Variants in MLLT3 observed in about 807,000 individuals in gnomAD.
The protein encoded by MLLT3 is MLLT3 super elongation complex subunit, also known as protein AF-9.
A neutral mutation model predicts 53.2 loss-of-function variants in MLLT3; 4 were observed. The observed-to-expected ratio is 0.08, with a 90% CI of 0.04 to 0.17. The LOEUF is 0.17. Ranked by LOEUF, MLLT3 falls within the 10% of genes least tolerant of loss-of-function variation. The probability of loss-of-function intolerance (pLI) is 1.00; values close to 1 mark genes in which losing one functional copy is unlikely to be tolerated. For synonymous variants in MLLT3, 283 were observed against 230.6 expected (o/e 1.23, Z -2.06); for missense variants, 569 against 684.0 (o/e 0.83, Z 1.87).
intron 2 of MLLT3, among the ~76,000 whole-genome samples, chr9:20,611,360 T>C (rs973341614): frequency 1.9e-4 from 29 of 152,124 alleles, no homozygotes; most frequent in Non-Finnish European, 1.5e-5. Context: ...AAGCCACTGC[T>C]ATTATTATTA....
chr9:20,521,077 CTTT>C lies in MLLT3; in HGVS notation c.194-64294_194-64292del, dbSNP rs11410290. Among the ~76,000 whole-genome samples the C allele has an allele frequency of 1.7e-4, 26 of 148,628 alleles. No individual in the cohort carries two copies. In the East Asian group the frequency reaches 4.9e-3, roughly 28 times the overall value. On this transcript the variant is annotated intron_variant, in intron 2 of 10. Transcript: ENST00000380338. The stretch of plus-strand genomic sequence containing the variant: ...GCTGTAAACTTTTTTTTTGTTCTTT[CTTT>C]TTTTTTTAAAGGAGAGAGTCTTGCT...
intron 5 of MLLT3, among the ~76,000 whole-genome samples, chr9:20,387,899 G>A (rs917912441): frequency 3.3e-5 from 5 of 152,124 alleles, no homozygotes; most frequent in East Asian, 1.9e-4. Context: ...TTAAATATCT[G>A]GAAGTTCCAG....
intron 4 of MLLT3, chr9:20,418,504 C>T (rs1822931422): frequency 6.6e-6 from 1 of 152,234 alleles, no homozygotes; most frequent in Non-Finnish European, 1.5e-5. Context: ...AACTAGTTAG[C>T]TCTGGGGGCA....
At chr9:20,443,994 G>A (rs1563967777) in intron 4 of MLLT3, among the ~76,000 whole-genome samples, 2 of 152,190 alleles carry the variant, frequency 1.3e-5, no homozygotes, top group Admixed American at 6.5e-5. Context: ...AAACAAGTTA[G>A]TAGAATAATA....
chr9:20,499,051 G>C (rs1262479402), intron 2 of MLLT3, among the ~76,000 whole-genome samples: 2 of 152,118 alleles, frequency 1.3e-5, no homozygotes, highest in Non-Finnish European at 2.9e-5. Context: ...GACTCTCCTA[G>C]CTTCTGGAGG....
At chr9:20,360,242 C>A (rs997009364) in intron 8 of MLLT3, among the ~76,000 whole-genome samples, 1 of 152,218 alleles carries the variant, frequency 6.6e-6, no homozygotes, top group African/African-American at 2.4e-5. Context: ...GGGCTGTGCA[C>A]TGCCTTTTGC....
chr9:20,383,259 C>T (rs553065648), intron 5 of MLLT3, among the ~76,000 whole-genome samples: 18 of 151,800 alleles, frequency 1.2e-4, no homozygotes, highest in South Asian at 8.3e-4. Flanking sequence ...ATGGGGGGTA[C>T]GTTATTTTAA....
chr9:20,484,162 G>A lies in MLLT3; in HGVS notation c.194-27376C>T, dbSNP rs1824745159. On this transcript the variant is annotated intron_variant, in intron 2 of 10. Coordinates refer to ENST00000380338, the MANE Select transcript of MLLT3 (RefSeq NM_004529.4). ...ACATGAACATATAATAAGAGATTTG[G>A]CTAAAGATAATGTGCACACAGAGGC... Among the ~76,000 whole-genome samples, 3 of 152,076 alleles carry A rather than the reference G, an allele frequency of 2.0e-5. No individual in the cohort carries two copies. The South Asian group carries it at 6.2e-4, about 32-fold the overall frequency.
rs1822844530 is a variant in MLLT3, at chr9:20,415,364, TATA to T, written c.421-942_421-940del. The stretch of plus-strand genomic sequence containing the variant: ...TAAATATGATCAATTTTTCCACTCA[TATA>T]AACATATCAGAATATATAACCTATA... On this transcript the variant is annotated intron_variant, in intron 4 of 10. Transcript: ENST00000380338. 14 of 586,400 alleles carry T rather than the reference TATA, an allele frequency of 2.4e-5. No homozygotes were observed. In the South Asian group the frequency reaches 9.8e-4, roughly 41 times the overall value. 36.3% of individuals were successfully genotyped at this position (586,400 alleles called of 1,614,324 possible).
chr9:20,535,235 G>A (rs1012368406), intron 2 of MLLT3, among the ~76,000 whole-genome samples: 4 of 152,192 alleles, frequency 2.6e-5, no homozygotes, highest in Non-Finnish European at 5.9e-5. Context: ...GATCTTGGTT[G>A]TGCACTCCTT....
At chr9:20,415,504 C>T (rs1822848791) in intron 4 of MLLT3, 2 of 850,790 alleles carry the variant, frequency 2.4e-6, no homozygotes, top group East Asian at 1.2e-4. Context: ...ATGCAAAAAT[C>T]CACATCAATA....
chr9:20,501,851 C>T (rs1372584273), intron 2 of MLLT3, among the ~76,000 whole-genome samples: 2 of 148,936 alleles, frequency 1.3e-5, no homozygotes, highest in Non-Finnish European at 3.0e-5. Flanking sequence ...GAAGCCAAAG[C>T]AGGCAGATCA....
chr9:20,344,197 T>G lies in MLLT3; in HGVS notation c.*2246A>C, dbSNP rs1390600881. On this transcript the variant is annotated 3_prime_UTR_variant, in exon 11 of 11. Transcript: ENST00000380338. ...TTGGTCATTTCTTATCTTACCTAGC[T>G]TCTTGGTTAGTAACTTAAAGGAAAA... is the stretch of plus-strand genomic sequence containing the variant. 5.1e-6 allele frequency: 1 copy of G among 196,336 alleles called. No individual in the cohort carries two copies. The highest frequency in any genetic ancestry group is 8.1e-5 in the East Asian group (1 of 12,422). The allele number at this position is 196,336 out of a possible 1,614,324, so 12.2% of individuals were successfully genotyped here.
At chr9:20,557,990 A>C (rs1229209899) in intron 2 of MLLT3, among the ~76,000 whole-genome samples, 2 of 152,194 alleles carry the variant, frequency 1.3e-5, no homozygotes, top group African/African-American at 2.4e-5. Flanking sequence ...TAGACGATTG[A>C]TACAGACATC....
intron 5 of MLLT3, among the ~76,000 whole-genome samples, chr9:20,402,845 G>C (rs1209305292): frequency 6.6e-6 from 1 of 152,194 alleles, no homozygotes. Flanking sequence ...GTGGAATTCA[G>C]CTGGGGATAT....
intron 4 of MLLT3, among the ~76,000 whole-genome samples, chr9:20,444,989 G>A (rs1451168670): frequency 6.6e-6 from 1 of 151,624 alleles, no homozygotes; most frequent in Non-Finnish European, 1.5e-5. Flanking sequence ...TATTTGGGAA[G>A]CTCAAGTGGG....
At chr9:20,471,712 C>T (rs567510414) in intron 2 of MLLT3, among the ~76,000 whole-genome samples, 2 of 151,988 alleles carry the variant, frequency 1.3e-5, no homozygotes, top group Non-Finnish European at 1.5e-5. Flanking sequence ...CCAACAGTTA[C>T]GCTTACTTCC....
intron 4 of MLLT3, among the ~76,000 whole-genome samples, chr9:20,417,825 T>A (rs1222056230): frequency 1.3e-5 from 2 of 152,162 alleles, no homozygotes; most frequent in East Asian, 1.9e-4. Flanking sequence ...GTGGAGGACT[T>A]AAGAAAAAAA....
intron 6 of MLLT3, among the ~76,000 whole-genome samples, chr9:20,365,329 TTTTTG>T (rs902968230): frequency 2.6e-5 from 4 of 152,112 alleles, no homozygotes; most frequent in South Asian, 2.1e-4. Flanking sequence ...AGATGGTTTT[TTTTTG>T]TTTTGTTTTG....
Sources: gnomAD v4.1 joint callset for allele counts (sites outside exome capture counted in the v4.1 genomes callset) on GRCh38, gnomAD v4.1.1 for gene constraint, MANE v1.5 for transcripts, NCBI Gene and HGNC (gene_info 2026-07-23, HGNC 2026-07-21) for gene names.